The following TRPV1 variants were observed in gnomAD, a reference collection of about 807,000 sequenced individuals.
The protein encoded by TRPV1 is transient receptor potential cation channel subfamily V member 1.
A neutral mutation model predicts 82.3 loss-of-function variants in TRPV1; 82 were observed. That is an observed-to-expected ratio of 1.00 (90% CI 0.83 to 1.20). The LOEUF (loss-of-function observed/expected upper bound fraction) is 1.20. Among genes scored for constraint, TRPV1 ranks in the 50% most tolerant of loss-of-function variants. TRPV1 has a pLI of 0.00. For synonymous variants in TRPV1, 515 were observed against 467.7 expected (o/e 1.10, Z -1.30); for missense variants, 1,067 against 1,096.8 (o/e 0.97, Z 0.38).
chr17:3,587,605 G>A (rs2075100072), intron 8 of TRPV1, among the ~76,000 whole-genome samples: 1 of 152,182 alleles, frequency 6.6e-6, no homozygotes, highest in Non-Finnish European at 1.5e-5. Flanking sequence ...GATCACCTGA[G>A]GTCAAGAGTT....
At chr17:3,605,099 G>T (rs2075288376) in intron 2 of TRPV1, among the ~76,000 whole-genome samples, 1 of 152,184 alleles carries the variant, frequency 6.6e-6, no homozygotes, top group African/African-American at 2.4e-5. Context: ...AGTTGCTAAA[G>T]AGAGTGGGTT....
At chr17:3,578,294 C>A in intron 11 of TRPV1, 1 of 151,230 alleles carries the variant, frequency 6.6e-6, no homozygotes, top group Non-Finnish European at 1.5e-5. Flanking sequence ...GGAGACAGAG[C>A]GAGACTCCGT....
intron 10 of TRPV1, among the ~76,000 whole-genome samples, chr17:3,582,062 T>G (rs367946360): frequency 7.2e-6 from 1 of 139,452 alleles, no homozygotes; most frequent in Non-Finnish European, 1.6e-5. Flanking sequence ...TGGTGGCGGG[T>G]GCCTGTAGTC....
intron 2 of TRPV1, among the ~76,000 whole-genome samples, chr17:3,594,127 CAAAAAAAAAAAAA>C (rs57620622): frequency 2.2e-5 from 1 of 46,482 alleles, no homozygotes; most frequent in Non-Finnish European, 3.2e-5. Flanking sequence ...AACTCTGTCT[CAAAAAAAAAAAAA>C]AAAAAAAAAA....
chr17:3,574,008 G>C, intron 13 of TRPV1, 53 bp from the exon 14 acceptor site: 2 of 1,456,388 alleles, frequency 1.4e-6, no homozygotes, highest in Non-Finnish European at 9.2e-7. Context: ...AATATCCCAA[G>C]TCCCCTGACA....
At chr17:3,601,353 C>G (rs1479396350) in intron 2 of TRPV1, among the ~76,000 whole-genome samples, 1 of 151,978 alleles carries the variant, frequency 6.6e-6, no homozygotes, top group Admixed American at 6.6e-5. Flanking sequence ...CTCAGGGGTC[C>G]CCACTGCTGA....
intron 16 of TRPV1, 68 bp downstream of exon 16, chr17:3,571,456 A>C: frequency 7.6e-7 from 1 of 1,311,086 alleles, no homozygotes; most frequent in Non-Finnish European, 1.1e-6. Flanking sequence ...GGGAACCTGC[A>C]AAGCTCCCCC....
chr17:3,597,788 C>T (rs2075232642), intron 2 of TRPV1, among the ~76,000 whole-genome samples: 1 of 151,634 alleles, frequency 6.6e-6, no homozygotes, highest in Non-Finnish European at 1.5e-5. Flanking sequence ...ATTCTCCTGC[C>T]TCAGCCTCCC....
intron 16 of TRPV1, among the ~76,000 whole-genome samples, chr17:3,567,638 C>T (rs1485087881): frequency 1.3e-5 from 2 of 151,904 alleles, no homozygotes; most frequent in East Asian, 3.9e-4. Context: ...AGGGTCTCCA[C>T]AGAGCAACGC....
At position 3,566,685 on chromosome 17, in the gene TRPV1, TTTGGGAACATGCTGGGCAGGCACAGAC is replaced by T; in HGVS notation, c.*103_*129del. On this transcript the variant is annotated 3_prime_UTR_variant, in exon 17 of 17. Coordinates refer to ENST00000572705, the MANE Select transcript of TRPV1 (RefSeq NM_080704.4). ...CTTCCCACAGCTTGTCCAGCACAGA[TTTGGGAACATGCTGGGCAGGCACAGAC>T]CAGGCCAGGCTGCTGACAGAGCACT... 8.7e-7 allele frequency: 1 copy of T among 1,150,508 alleles called. No homozygotes were observed. Among genetic ancestry groups the T allele is most frequent in the Non-Finnish European group, 1.2e-6 (1 of 828,194 alleles). The allele number at this position is 1,150,508 out of a possible 1,614,324, so 71.3% of individuals were successfully genotyped here.
chr17:3,584,126 C>A (rs752910163), intron 9 of TRPV1, among the ~76,000 whole-genome samples: 9 of 151,910 alleles, frequency 5.9e-5, no homozygotes, highest in Admixed American at 1.3e-4. Flanking sequence ...CAAAATTAGC[C>A]AGGCGTGGTA....
intron 2 of TRPV1, among the ~76,000 whole-genome samples, chr17:3,607,460 A>G (rs2075303327): frequency 6.6e-6 from 1 of 152,206 alleles, no homozygotes. Context: ...TGTTTTTTCT[A>G]CACATACATA....
chr17:3,588,039 T>C, intron 8 of TRPV1, 149 bp downstream of exon 8: 1 of 824,794 alleles, frequency 1.2e-6, no homozygotes, highest in Non-Finnish European at 1.9e-6. Context: ...TCAGTGGGCA[T>C]GAGTGGGGAA....
At chr17:3,590,831 T>C in intron 5 of TRPV1, 133 bp downstream of exon 5, 2 of 1,279,372 alleles carry the variant, frequency 1.6e-6, no homozygotes, top group Non-Finnish European at 2.1e-6. Flanking sequence ...CCCCTAGGAT[T>C]AGGAGCCACC....
chr17:3,585,663 C>T (rs2075074785), intron 9 of TRPV1, 105 bp downstream of exon 9: 2 of 1,409,062 alleles, frequency 1.4e-6, no homozygotes, highest in Non-Finnish European at 1.9e-6. Context: ...GGGAAGGAGT[C>T]CAGGGCAGAG....
chr17:3,584,284 C>CA (rs906991706), intron 9 of TRPV1, among the ~76,000 whole-genome samples: 31 of 145,192 alleles, frequency 2.1e-4, no homozygotes, highest in African/African-American at 3.3e-4. Context: ...AAACAAAAAA[C>CA]AAAAAAAAAG....
At chr17:3,602,597 G>C (rs960834806) in intron 2 of TRPV1, among the ~76,000 whole-genome samples, 2 of 152,218 alleles carry the variant, frequency 1.3e-5, no homozygotes, top group African/African-American at 2.4e-5. Context: ...GGTTTGATGG[G>C]AGCGAGAGGC....
rs202240849 is a variant in TRPV1, at chr17:3,571,600, C to T, written c.2271G>A (p.Val757=). The part of the protein sequence containing the change: ...EVNWTTWNTN[V]GIINEDPGNC... ...TGCCCGGGTCTTCGTTGATGATGCC[C>T]ACGTTGGTGTTCCAGGTGGTCCAGT... Residue 757 remains valine (V), a synonymous_variant, in exon 16 of 17, where the codon GTG becomes GTA. Coordinates refer to ENST00000572705, the MANE Select transcript of TRPV1 (RefSeq NM_080704.4). 3.8e-4 allele frequency: 617 copies of T among 1,612,760 alleles called. 7 individuals are homozygous for T. The South Asian group carries it at 6.4e-3, about 17-fold the overall frequency.
intron 16 of TRPV1, among the ~76,000 whole-genome samples, chr17:3,570,446 C>T (rs1420416576): frequency 6.6e-6 from 1 of 151,490 alleles, no homozygotes; most frequent in Non-Finnish European, 1.5e-5. Flanking sequence ...CTTAATGACA[C>T]TAAACTGTAC....
Sources: allele counts gnomAD v4.1 joint callset (sites outside exome capture counted in the v4.1 genomes callset), GRCh38; gene constraint gnomAD v4.1.1; transcripts MANE v1.5; gene names NCBI Gene and HGNC (gene_info 2026-07-23, HGNC 2026-07-21).